Variants in PCDH7 observed in about 807,000 individuals in gnomAD.
PCDH7 encodes the protein protocadherin-7.
In PCDH7, 17 loss-of-function variants were observed where a neutral mutation model predicts 58.9. The ratio of observed to expected loss-of-function variants is 0.29; its 90% CI spans 0.20 to 0.43. The LOEUF (loss-of-function observed/expected upper bound fraction) is 0.43. PCDH7 is among the 20% of genes least tolerant of loss of function. PCDH7 has a pLI of 1.00. For synonymous variants in PCDH7, 664 were observed against 616.4 expected (o/e 1.08, Z -1.14); for missense variants, 1,274 against 1,441.0 (o/e 0.88, Z 1.88).
intron 1 of PCDH7, among the ~76,000 whole-genome samples, chr4:30,839,899 G>C (rs532036402): frequency 6.6e-6 from 1 of 151,968 alleles, no homozygotes; most frequent in Non-Finnish European, 1.5e-5. Context: ...TTGTAATATG[G>C]GTTTTTGAAT....
chr4:30,820,883 T>C (rs1023706478), intron 1 of PCDH7, among the ~76,000 whole-genome samples: 1 of 152,132 alleles, frequency 6.6e-6, no homozygotes, highest in Non-Finnish European at 1.5e-5. Flanking sequence ...GGGGTTGTTA[T>C]TGCATTTTGC....
intron 1 of PCDH7, among the ~76,000 whole-genome samples, chr4:30,817,491 T>TA (rs1727838771): frequency 6.6e-6 from 1 of 152,238 alleles, no homozygotes; most frequent in South Asian, 2.1e-4. Context: ...ATATCTGTTC[T>TA]AAAAATGTCA....
intron 3 of PCDH7, among the ~76,000 whole-genome samples, chr4:31,011,633 G>T (rs1396913523): frequency 6.6e-6 from 1 of 151,922 alleles, no homozygotes; most frequent in Non-Finnish European, 1.5e-5. Context: ...AGAAAAGGCT[G>T]GGGTATATAT....
chr4:31,090,064 C>T (rs1713028504), intron 3 of PCDH7, among the ~76,000 whole-genome samples: 1 of 151,934 alleles, frequency 6.6e-6, no homozygotes, highest in Non-Finnish European at 1.5e-5. Flanking sequence ...CCTTTCTCTC[C>T]TTTGATTTCG....
chr4:30,823,115 G>A (rs930557966), intron 1 of PCDH7, among the ~76,000 whole-genome samples: 1 of 152,094 alleles, frequency 6.6e-6, no homozygotes, highest in African/African-American at 2.4e-5. Flanking sequence ...TTAAAACATG[G>A]AGATTGTCCT....
rs374168839 is a variant in PCDH7, at chr4:30,722,605, A to G, written c.1183A>G (p.Lys395Glu). 2 of 1,613,206 alleles carry G rather than the reference A, an allele frequency of 1.2e-6. No homozygotes were observed. Among genetic ancestry groups the G allele is most frequent in the Non-Finnish European group, 1.7e-6 (2 of 1,180,022 alleles). Residue 395 changes from lysine to glutamate, a missense_variant, in exon 1 of 2, where the codon AAG becomes GAG. By Grantham distance (56) the Lys-to-Glu change is moderately conservative (BLOSUM62 1). Transcript: ENST00000361762. The surrounding 1 kb of genome is among the most constrained non-coding windows in gnomAD (Gnocchi z 7.6). ...GGCCCGCGACCGCGGGCAGCCCCCC[A>G]AGACCGACAAGGCCACCGTGGTCCT...
intron 3 of PCDH7, among the ~76,000 whole-genome samples, chr4:30,951,254 A>T (rs550751667): frequency 6.6e-6 from 1 of 152,194 alleles, no homozygotes; most frequent in Non-Finnish European, 1.5e-5. Context: ...CAATTTACAT[A>T]CATTTTCACC....
intron 3 of PCDH7, among the ~76,000 whole-genome samples, chr4:30,958,228 A>G (rs1176142033): frequency 6.6e-6 from 1 of 152,064 alleles, no homozygotes; most frequent in Non-Finnish European, 1.5e-5. Context: ...AGTGTACTGA[A>G]GGAGGAAAGA....
intron 3 of PCDH7, among the ~76,000 whole-genome samples, chr4:31,103,365 C>T (rs888724236): frequency 5.3e-5 from 8 of 151,848 alleles, no homozygotes; most frequent in South Asian, 2.1e-4. Context: ...TTTGAGACAG[C>T]GTCTTGCTCT....
intron 2 of PCDH7, chr4:30,935,324 G>A: frequency 1.0e-6 from 1 of 981,784 alleles, no homozygotes; most frequent in East Asian, 1.1e-4. Flanking sequence ...ATGTTTACTG[G>A]CCTCATATTT....
chr4:30,882,822 G>A (rs1737162267), intron 1 of PCDH7, among the ~76,000 whole-genome samples: 1 of 152,180 alleles, frequency 6.6e-6, no homozygotes, highest in Admixed American at 6.5e-5. Context: ...AGTAGTATAT[G>A]CTTCTTATAC....
rs528602881 is a variant in PCDH7, at chr4:30,905,324, C to T, written c.71-14829C>T. On this transcript the variant is annotated intron_variant, in intron 1 of 3. Coordinates refer to the PCDH7 transcript ENST00000509759. ...GCTCCCTTGAACTGCTGCAGACTAA[C>T]TCCAACTGTGTAATTTACCATGTAG... Among the ~76,000 whole-genome samples the T allele has an allele frequency of 3.7e-4, 56 of 152,248 alleles. No individual in the cohort carries two copies. In the Middle Eastern group the frequency reaches 0.014, roughly 37 times the overall value.
intron 1 of PCDH7, among the ~76,000 whole-genome samples, chr4:30,819,572 A>G (rs1205016807): frequency 1.3e-5 from 2 of 152,158 alleles, no homozygotes; most frequent in African/African-American, 4.8e-5. Flanking sequence ...TAAATGATTC[A>G]TCTTCAGATT....
chr4:30,750,884 TA>T (rs999924260), intron 1 of PCDH7, among the ~76,000 whole-genome samples: 49 of 152,170 alleles, frequency 3.2e-4, no homozygotes, highest in African/African-American at 1.1e-3. Context: ...ATGGAAATAC[TA>T]TTTTTTTTTC....
intron 3 of PCDH7, among the ~76,000 whole-genome samples, chr4:31,113,498 A>G (rs956837580): frequency 9.2e-5 from 14 of 152,160 alleles, no homozygotes; most frequent in African/African-American, 3.1e-4. Context: ...CCATATAAAT[A>G]TATTATCATT....
chr4:30,992,114 C>T (rs1473532004), intron 3 of PCDH7, among the ~76,000 whole-genome samples: 1 of 152,098 alleles, frequency 6.6e-6, no homozygotes, highest in Non-Finnish European at 1.5e-5. Context: ...ATGCTTTGTA[C>T]ATGGTAGAAT....
intron 3 of PCDH7, among the ~76,000 whole-genome samples, chr4:31,130,266 C>T (rs1718815594): frequency 6.9e-6 from 1 of 144,786 alleles, no homozygotes; most frequent in African/African-American, 2.4e-5. Flanking sequence ...TTGTACTTTA[C>T]TGAACAAAAA....
intron 3 of PCDH7, among the ~76,000 whole-genome samples, chr4:31,136,114 T>TG (rs1719566313): frequency 6.6e-6 from 1 of 152,224 alleles, no homozygotes; most frequent in African/African-American, 2.4e-5. Flanking sequence ...CTAGATCACC[T>TG]GGCTACTGAG....
intron 1 of PCDH7, among the ~76,000 whole-genome samples, chr4:30,774,181 G>T (rs2109281544): frequency 6.6e-6 from 1 of 152,160 alleles, no homozygotes; most frequent in East Asian, 1.9e-4. Context: ...CCCATACCCA[G>T]GAGGGTGTAT....
Sources: allele counts gnomAD v4.1 joint callset (sites outside exome capture counted in the v4.1 genomes callset), GRCh38; gene constraint gnomAD v4.1.1; non-coding constraint Gnocchi (gnomAD v3.1); transcripts MANE v1.5; gene names NCBI Gene and HGNC (gene_info 2026-07-23, HGNC 2026-07-21).